GRIK4: variants seen among roughly 807,000 people sequenced by gnomAD.
GRIK4 encodes the protein glutamate receptor ionotropic, kainate 4.
GRIK4 carries 40 observed loss-of-function variants against 104.9 expected under a neutral mutation model. The ratio of observed to expected loss-of-function variants is 0.38; its 90% CI spans 0.30 to 0.50. The LOEUF is 0.50. GRIK4 is among the 20% of genes least tolerant of loss of function. The pLI is 0.93. For synonymous variants in GRIK4, 485 were observed against 524.9 expected, an observed-to-expected ratio of 0.92 and a Z score of 1.04; for missense variants, 1,047 against 1,308.1, an observed-to-expected ratio of 0.80 and a Z score of 3.08.
chr11:120,722,431 A>C (rs1022936791), intron 3 of GRIK4, among the ~76,000 whole-genome samples: 4 of 152,002 alleles, frequency 2.6e-5, no homozygotes, highest in Non-Finnish European at 5.9e-5. Context: ...CAACATGGTA[A>C]AACCCCGTCT....
At chr11:120,678,230 C>A (rs1034525341) in intron 3 of GRIK4, among the ~76,000 whole-genome samples, 2 of 152,222 alleles carry the variant, frequency 1.3e-5, no homozygotes, top group Non-Finnish European at 2.9e-5. Context: ...CATCCCCCTT[C>A]TTGTCCCCAC....
chr11:120,777,723 G>A (rs1002204785), intron 3 of GRIK4, among the ~76,000 whole-genome samples: 2 of 152,202 alleles, frequency 1.3e-5, no homozygotes, highest in Non-Finnish European at 2.9e-5. Context: ...GATCACTTGA[G>A]GTCAGAAGTT....
At chr11:120,601,945 A>T (rs563255032) in intron 1 of GRIK4, among the ~76,000 whole-genome samples, 36 of 151,986 alleles carry the variant, frequency 2.4e-4, no homozygotes, top group Non-Finnish European at 4.9e-4. Flanking sequence ...TAAATGGGGA[A>T]CCCTAGGCTA....
chr11:120,930,364 G>A (rs1244646947), intron 13 of GRIK4, among the ~76,000 whole-genome samples: 1 of 152,230 alleles, frequency 6.6e-6, no homozygotes, highest in African/African-American at 2.4e-5. Flanking sequence ...GTAATAGTAA[G>A]AGCTAACATT....
chr11:120,825,905 GC>G (rs1352907932), intron 6 of GRIK4, among the ~76,000 whole-genome samples: 2 of 152,164 alleles, frequency 1.3e-5, no homozygotes, highest in African/African-American at 4.8e-5. Flanking sequence ...GATACCCAAG[GC>G]CCTGGAAGAG....
chr11:120,604,298 G>A (rs766486849), intron 1 of GRIK4, among the ~76,000 whole-genome samples: 4 of 152,124 alleles, frequency 2.6e-5, no homozygotes, highest in South Asian at 2.1e-4. Flanking sequence ...CAGAGGTGCC[G>A]AGGTGTGGGG....
chr11:120,867,606 G>A (rs758685278), intron 9 of GRIK4, among the ~76,000 whole-genome samples: 5 of 151,848 alleles, frequency 3.3e-5, no homozygotes, highest in Admixed American at 6.6e-5. Flanking sequence ...CTTCCGGGTC[G>A]GGCCTTCGGC....
At chr11:120,943,594 T>G (rs1943780968) in intron 14 of GRIK4, among the ~76,000 whole-genome samples, 1 of 152,206 alleles carries the variant, frequency 6.6e-6, no homozygotes, top group Non-Finnish European at 1.5e-5. Context: ...GGTAATGAAA[T>G]TAAATACTGG....
intron 1 of GRIK4, among the ~76,000 whole-genome samples, chr11:120,556,385 T>C (rs1393547493): frequency 1.3e-5 from 2 of 152,184 alleles, no homozygotes; most frequent in African/African-American, 4.8e-5. Context: ...TCCCCCAGTC[T>C]GTTCTTCACA....
chr11:120,759,677 A>G (rs1449097061), intron 3 of GRIK4, among the ~76,000 whole-genome samples: 1 of 152,152 alleles, frequency 6.6e-6, no homozygotes, highest in Non-Finnish European at 1.5e-5. Flanking sequence ...AAAGCAAAAC[A>G]AAACAAACCA....
At chr11:120,985,136 G>T (rs910687659) in intron 20 of GRIK4, among the ~76,000 whole-genome samples, 4 of 151,974 alleles carry the variant, frequency 2.6e-5, no homozygotes, top group Non-Finnish European at 4.4e-5. Flanking sequence ...GCCCTATCCT[G>T]TATTCTTCAT....
intron 3 of GRIK4, among the ~76,000 whole-genome samples, chr11:120,677,291 C>T (rs550153646): frequency 1.2e-4 from 18 of 152,288 alleles, no homozygotes; most frequent in East Asian, 1.9e-4. Context: ...CGCTGGGCTC[C>T]GCTCAGAATG....
chr11:120,943,761 G>A (rs1943785130), intron 14 of GRIK4, among the ~76,000 whole-genome samples: 2 of 152,190 alleles, frequency 1.3e-5, no homozygotes, highest in African/African-American at 4.8e-5. Context: ...CAAAAAGTGA[G>A]CATCTGGTGG....
At chr11:120,607,896 G>A (rs945653002) in intron 1 of GRIK4, among the ~76,000 whole-genome samples, 1 of 152,130 alleles carries the variant, frequency 6.6e-6, no homozygotes, top group Non-Finnish European at 1.5e-5. Context: ...AGGGAAAAAC[G>A]AGGGCAGGTG....
chr11:120,937,082 G>A (rs903389566), intron 13 of GRIK4, among the ~76,000 whole-genome samples: 7 of 152,164 alleles, frequency 4.6e-5, no homozygotes, highest in Non-Finnish European at 1.0e-4. Context: ...CTGTTGCCCA[G>A]GCTGGAGTGC....
intron 1 of GRIK4, among the ~76,000 whole-genome samples, chr11:120,596,365 C>T (rs187000000): frequency 1.5e-4 from 23 of 152,190 alleles, no homozygotes; most frequent in Admixed American, 3.9e-4. Flanking sequence ...AAAAATGCAA[C>T]GTGATGAGTG....
chr11:120,585,196 A>G (rs1256181584), intron 1 of GRIK4, among the ~76,000 whole-genome samples: 3 of 152,130 alleles, frequency 2.0e-5, no homozygotes, highest in Admixed American at 1.3e-4. Context: ...TTGTTTATCC[A>G]TGCATCTGTC....
chr11:120,929,246 C>T (rs1943428528), intron 13 of GRIK4, among the ~76,000 whole-genome samples: 2 of 152,078 alleles, frequency 1.3e-5, no homozygotes, highest in South Asian at 2.1e-4. Context: ...CGGCGGGTGG[C>T]GTGGGCAGAC....
At chr11:120,978,717 G>A (rs1292398619) in intron 19 of GRIK4, among the ~76,000 whole-genome samples, 1 of 152,124 alleles carries the variant, frequency 6.6e-6, no homozygotes, top group Non-Finnish European at 1.5e-5. Context: ...ATATTTAGGA[G>A]GCAAAATCAG....
Sources: allele counts gnomAD v4.1 joint callset (sites outside exome capture counted in the v4.1 genomes callset), GRCh38; gene constraint gnomAD v4.1.1; transcripts MANE v1.5; gene names NCBI Gene and HGNC (gene_info 2026-07-23, HGNC 2026-07-21).